The following WWOX variants were observed in gnomAD, a reference collection of about 807,000 sequenced individuals.
WWOX encodes the protein WW domain containing oxidoreductase.
A neutral mutation model predicts 46.2 loss-of-function variants in WWOX; 69 were observed. The ratio of observed to expected loss-of-function variants is 1.49; its 90% CI spans 1.23 to 1.82. The LOEUF is 1.82. WWOX is among the 40% of genes most tolerant of loss of function. The pLI is 0.00. For missense variants in WWOX, 919 were observed against 542.6 expected (o/e 1.69, Z -6.89); for synonymous variants, 359 against 202.6 (o/e 1.77, Z -6.56).
chr16:79,001,669 A>T (rs1341417784), intron 8 of WWOX, among the ~76,000 whole-genome samples: 1 of 151,352 alleles, frequency 6.6e-6, no homozygotes, highest in Non-Finnish European at 1.5e-5. Flanking sequence ...AGCTGGTGGC[A>T]GGGGGAGAGA....
intron 5 of WWOX, among the ~76,000 whole-genome samples, chr16:78,260,393 A>G (rs1351861509): frequency 6.6e-6 from 1 of 151,740 alleles, no homozygotes; most frequent in East Asian, 1.9e-4. Flanking sequence ...CATTTACATT[A>G]CAGGCTCAGG....
At chr16:78,481,764 T>TGTGCGCGC (rs149940474) in intron 8 of WWOX, among the ~76,000 whole-genome samples, 6 of 147,928 alleles carry the variant, frequency 4.1e-5, no homozygotes, top group African/African-American at 1.5e-4. Flanking sequence ...TGTGTGTGTG[T>TGTGCGCGC]GCGCGCGCCT....
At chr16:78,472,932 CG>C (rs2084262384) in intron 8 of WWOX, among the ~76,000 whole-genome samples, 2 of 151,858 alleles carry the variant, frequency 1.3e-5, no homozygotes, top group African/African-American at 4.8e-5. Context: ...TGGTTTAGCA[CG>C]GGAAAAAGCA....
chr16:78,217,416 T>G (rs893719539), intron 5 of WWOX, among the ~76,000 whole-genome samples: 13 of 152,122 alleles, frequency 8.5e-5, no homozygotes, highest in African/African-American at 3.1e-4. Context: ...ATAGCCTTTG[T>G]GTGATGTGAG....
At chr16:78,636,090 G>A (rs570436814) in intron 8 of WWOX, among the ~76,000 whole-genome samples, 1 of 152,166 alleles carries the variant, frequency 6.6e-6, no homozygotes, top group African/African-American at 2.4e-5. Flanking sequence ...CACTCTAGTA[G>A]TGATTAAAAT....
chr16:78,362,575 C>T (rs570759853), intron 5 of WWOX, among the ~76,000 whole-genome samples: 2 of 152,192 alleles, frequency 1.3e-5, no homozygotes, highest in South Asian at 4.2e-4. Flanking sequence ...CACCACTGCA[C>T]TCCAGCCTGG....
chr16:78,947,742 G>A (rs1349413346), intron 8 of WWOX, among the ~76,000 whole-genome samples: 1 of 152,176 alleles, frequency 6.6e-6, no homozygotes, highest in Non-Finnish European at 1.5e-5. Flanking sequence ...CCACCTAGAT[G>A]CTATTTATAA....
rs148726283 is a variant in WWOX at position 79,043,163 on chromosome 16, G to C, written c.1057-168445G>C. On this transcript the variant is annotated intron_variant, in intron 8 of 8. Coordinates refer to ENST00000566780, the MANE Select transcript of WWOX (RefSeq NM_016373.4). ...CCTACTTGCAGCTGAAGAGAAGAGA[G>C]ATGTAGCTTTGAATGGCCACATGAG... 5.3e-4 allele frequency among the ~76,000 whole-genome samples: 81 copies of C among 152,108 alleles called. 1 individual carries two copies. Among genetic ancestry groups the C allele is most frequent in the African/African-American group, 1.7e-3 (72 of 41,500 alleles).
At chr16:78,971,473 A>C (rs537954405) in intron 8 of WWOX, among the ~76,000 whole-genome samples, 6 of 136,700 alleles carry the variant, frequency 4.4e-5, no homozygotes, top group South Asian at 4.7e-4. Flanking sequence ...AAAAAAAAAA[A>C]AGAGAGAGAT....
chr16:78,828,705 T>C lies in WWOX; in HGVS notation c.1057-382903T>C, dbSNP rs79942758. 6.8e-3 allele frequency among the ~76,000 whole-genome samples: 1,037 copies of C among 152,268 alleles called. 8 individuals carry two copies. Among genetic ancestry groups the C allele is most frequent in the African/African-American group, 0.024 (990 of 41,558 alleles). ...TGTGTGCCAATTATGTGCAGGGAACTGTATTAATCGTAGTTAGCAATATCG... is the reference window on the plus strand; with the variant it reads ...TGTGTGCCAATTATGTGCAGGGAACCGTATTAATCGTAGTTAGCAATATCG... On this transcript the variant is annotated intron_variant, in intron 8 of 8. Transcript: ENST00000566780.
At position 79,092,675 on chromosome 16, in the gene WWOX, A is replaced by G. The variant is rs1415144351; in HGVS notation, c.1057-118933A>G. On this transcript the variant is annotated intron_variant, in intron 8 of 8. Coordinates refer to ENST00000566780, the MANE Select transcript of WWOX (RefSeq NM_016373.4). ...GCGAGGAGTGAATTGTGATGGAAAC[A>G]GAGACAGATGTATGTACCTTTCATG... Among the ~76,000 whole-genome samples, 3 of 152,368 alleles carry G rather than the reference A, an allele frequency of 2.0e-5. No individual in the cohort carries two copies. The East Asian group carries it at 5.8e-4, about 29-fold the overall frequency.
intron 8 of WWOX, among the ~76,000 whole-genome samples, chr16:79,095,164 G>C (rs1022184722): frequency 2.0e-5 from 3 of 152,106 alleles, no homozygotes; most frequent in Admixed American, 6.5e-5. Context: ...GGGTATTTTT[G>C]CTGGAGAAAG....
intron 8 of WWOX, among the ~76,000 whole-genome samples, chr16:79,181,382 G>A (rs929384116): frequency 6.6e-6 from 1 of 151,986 alleles, no homozygotes; most frequent in African/African-American, 2.4e-5. Flanking sequence ...TATTATTGTT[G>A]TTTTAGCCCT....
At chr16:79,180,668 TTCTC>T (rs2050892865) in intron 8 of WWOX, among the ~76,000 whole-genome samples, 1 of 137,688 alleles carries the variant, frequency 7.3e-6, no homozygotes, top group Admixed American at 6.8e-5. Context: ...TTTCTCTCTC[TTCTC>T]TCTCTCTTTC....
intron 8 of WWOX, among the ~76,000 whole-genome samples, chr16:78,690,250 C>A (rs993916830): frequency 2.0e-5 from 3 of 151,980 alleles, no homozygotes; most frequent in Non-Finnish European, 4.4e-5. Context: ...ACATGGTGAA[C>A]ACATAAATAA....
intron 8 of WWOX, among the ~76,000 whole-genome samples, chr16:78,542,384 G>C (rs902140951): frequency 5.3e-5 from 8 of 152,284 alleles, no homozygotes; most frequent in Non-Finnish European, 1.0e-4. Context: ...GAGGCAATCA[G>C]AAGAAGACAG....
chr16:78,247,760 A>G (rs568130820), intron 5 of WWOX, among the ~76,000 whole-genome samples: 1 of 152,256 alleles, frequency 6.6e-6, no homozygotes, highest in East Asian at 1.9e-4. Context: ...TTGGATATGG[A>G]GTTCCACTTG....
intron 6 of WWOX, among the ~76,000 whole-genome samples, chr16:78,393,038 G>A (rs2082209963): frequency 6.6e-6 from 1 of 152,130 alleles, no homozygotes; most frequent in Non-Finnish European, 1.5e-5. Flanking sequence ...CCAAACCAAA[G>A]CCTGTGGTAA....
intron 8 of WWOX, among the ~76,000 whole-genome samples, chr16:79,054,221 A>C (rs541366774): frequency 6.6e-6 from 1 of 152,346 alleles, no homozygotes; most frequent in South Asian, 2.1e-4. Context: ...GCAACGGGGA[A>C]TCTTTCAGAG....
Sources: allele counts gnomAD v4.1 joint callset (sites outside exome capture counted in the v4.1 genomes callset), GRCh38; gene constraint gnomAD v4.1.1; transcripts MANE v1.5; gene names NCBI Gene and HGNC (gene_info 2026-07-23, HGNC 2026-07-21).